TSGA10: variants seen among roughly 807,000 people sequenced by gnomAD.
TSGA10 encodes testis-specific gene 10 protein.
A neutral mutation model predicts 96.6 loss-of-function variants in TSGA10; 43 were observed. The observed-to-expected ratio is 0.44, with a 90% CI of 0.35 to 0.57. The LOEUF (loss-of-function observed/expected upper bound fraction) is 0.57. Ranked by LOEUF, TSGA10 falls within the 20% of genes least tolerant of loss-of-function variation. The pLI, the probability that TSGA10 is intolerant of heterozygous loss-of-function variation, is 0.01. For synonymous variants in TSGA10, 229 were observed against 269.9 expected (o/e 0.85, Z 1.48); for missense variants, 703 against 834.4 (o/e 0.84, Z 1.94).
chr2:99,020,402 C>T lies in TSGA10; in HGVS notation c.1695G>A (p.Gln565=). 6.2e-7 allele frequency: 1 copy of T among 1,613,908 alleles called. No homozygotes were observed. Among genetic ancestry groups the T allele is most frequent in the Non-Finnish European group, 8.5e-7 (1 of 1,179,872 alleles). The change falls in exon 18 of 21, where the codon CAG becomes CAA. Residue 565 remains glutamine (Q), a synonymous_variant. Coordinates refer to ENST00000393483, the MANE Select transcript of TSGA10 (RefSeq NM_025244.4). Reference sequence around the variant, plus strand: ...TGGCCACCAGCAAAGCTTCTAGATTCTGCATGGAGATTCTCTCATTTGCCA... The same window carrying T: ...TGGCCACCAGCAAAGCTTCTAGATTTTGCATGGAGATTCTCTCATTTGCCA... ...SQMANERISM[Q]NLEALLVANR... is the part of the protein sequence containing the mutation.
intron 20 of TSGA10, among the ~76,000 whole-genome samples, chr2:99,016,617 A>G (rs1369576314): frequency 6.6e-6 from 1 of 152,202 alleles, no homozygotes; most frequent in Admixed American, 6.5e-5. Flanking sequence ...CCAAAAGCAA[A>G]TGAAACAAAA....
At chr2:99,114,943 TA>T (rs974506070) in intron 4 of TSGA10, among the ~76,000 whole-genome samples, 7 of 152,098 alleles carry the variant, frequency 4.6e-5, no homozygotes, top group East Asian at 1.9e-4. Flanking sequence ...GATATATATA[TA>T]TTTTTTTGAG....
chr2:99,014,158 A>C (rs980448767), intron 20 of TSGA10, among the ~76,000 whole-genome samples: 8 of 152,030 alleles, frequency 5.3e-5, no homozygotes, highest in African/African-American at 1.4e-4. Flanking sequence ...CTGTCTCAAA[A>C]AAATAAATAA....
chr2:99,109,311 C>T lies in TSGA10; in HGVS notation c.51+78G>A. 3 of 1,472,762 alleles carry T rather than the reference C, an allele frequency of 2.0e-6. No homozygotes were observed. The South Asian group carries it at 3.4e-5, about 17-fold the overall frequency. 91.2% of individuals were successfully genotyped at this position (1,472,762 alleles called of 1,614,324 possible). ...ACAGCAAATCAAAACAAATTATTTT[C>T]AAATTAGGTAAAACAAAGAATAAAA... On this transcript the variant is annotated intron_variant, in intron 6 of 20. Transcript: ENST00000393483.
intron 12 of TSGA10, among the ~76,000 whole-genome samples, chr2:99,075,323 A>G (rs965206881): frequency 2.0e-5 from 3 of 152,196 alleles, no homozygotes; most frequent in East Asian, 3.8e-4. Flanking sequence ...AACTGTCAAA[A>G]TTCAGTCTGG....
intron 1 of TSGA10, among the ~76,000 whole-genome samples, chr2:99,144,542 G>A (rs959447339): frequency 1.1e-4 from 16 of 151,100 alleles, no homozygotes; most frequent in Non-Finnish European, 1.8e-4. Context: ...CCAGCTACTC[G>A]GGAGGCTGAG....
chr2:99,118,570 A>T lies in TSGA10; in HGVS notation c.-375T>A. The T allele has an allele frequency of 1.0e-6, 1 of 983,994 alleles. No homozygotes were observed. The highest frequency in any genetic ancestry group is 1.2e-6 in the Non-Finnish European group (1 of 828,844). 61.0% of individuals were successfully genotyped at this position (983,994 alleles called of 1,614,324 possible). On this transcript the variant is annotated 5_prime_UTR_variant, in exon 3 of 21. The change creates a new upstream start codon in the 5' untranslated region. Coordinates refer to ENST00000393483, the MANE Select transcript of TSGA10 (RefSeq NM_025244.4). ...ACTTACTTGACTAAGCTAAATATCA[A>T]ATCAATCAAGTATTTGCTGCCTAAT...
intron 16 of TSGA10, among the ~76,000 whole-genome samples, chr2:99,054,361 A>T (rs1489958298): frequency 1.3e-5 from 2 of 152,182 alleles, no homozygotes; most frequent in African/African-American, 4.8e-5. Flanking sequence ...TACAAAAATC[A>T]ACTCTTAATG....
chr2:99,058,264 A>G (rs1394694236), intron 16 of TSGA10, among the ~76,000 whole-genome samples: 1 of 152,210 alleles, frequency 6.6e-6, no homozygotes, highest in Non-Finnish European at 1.5e-5. Context: ...TAAGTGGATA[A>G]ACTATATGGC....
chr2:99,153,187 G>A (rs2093710259), intron 1 of TSGA10, among the ~76,000 whole-genome samples: 1 of 152,178 alleles, frequency 6.6e-6, no homozygotes, highest in African/African-American at 2.4e-5. Flanking sequence ...ACACTTAGAT[G>A]AATACTGAAA....
chr2:99,074,395 G>A (rs183009740), intron 12 of TSGA10, among the ~76,000 whole-genome samples: 435 of 131,870 alleles, frequency 3.3e-3, no homozygotes, highest in African/African-American at 0.011. Context: ...CTTTATTCAT[G>A]TGCTCTTCTC....
chr2:99,040,655 A>C (rs2082100156), intron 16 of TSGA10, among the ~76,000 whole-genome samples: 1 of 152,172 alleles, frequency 6.6e-6, no homozygotes, highest in Non-Finnish European at 1.5e-5. Context: ...ATGCTCATGG[A>C]TGGGTAGAAT....
Position 99,105,344 on chromosome 2 carries a change from T to TG in TSGA10, c.459+14_459+15insC. 1 of 1,305,590 alleles carries TG rather than the reference T, an allele frequency of 7.7e-7. No individual in the cohort carries two copies. Among genetic ancestry groups the TG allele is most frequent in the East Asian group, 3.0e-5 (1 of 33,434 alleles). The allele number at this position is 1,305,590 out of a possible 1,614,324, so 80.9% of individuals were successfully genotyped here. On this transcript the variant is annotated intron_variant, in intron 9 of 20. Transcript: ENST00000393483. ...TTTATAGCCAAAAGAGACTTTTCTT[T>TG]TTTTTTTTTTTTACATTATGAACTG...
chr2:99,030,994 C>A (rs13002667), intron 17 of TSGA10, among the ~76,000 whole-genome samples: 1 of 151,040 alleles, frequency 6.6e-6, no homozygotes, highest in Non-Finnish European at 1.5e-5. Flanking sequence ...AAAGATTATT[C>A]TAAAATTTAT....
intron 16 of TSGA10, among the ~76,000 whole-genome samples, chr2:99,052,001 G>A (rs1259290358): frequency 6.6e-6 from 1 of 151,830 alleles, no homozygotes. Context: ...GAAAATTGAT[G>A]CAGGTAAGTA....
chr2:99,140,499 A>C (rs779839325), intron 1 of TSGA10, among the ~76,000 whole-genome samples: 7 of 152,154 alleles, frequency 4.6e-5, no homozygotes, highest in Non-Finnish European at 7.3e-5. Context: ...AAAAGTGAAA[A>C]AAAACCATAT....
chr2:99,109,064 G>A, intron 6 of TSGA10, 73 bp from the exon 7 acceptor site: 1 of 1,105,382 alleles, frequency 9.0e-7, no homozygotes. Context: ...TGATGGTAGT[G>A]CCCAATTTCT....
chr2:99,109,935 C>A (rs368492740), intron 5 of TSGA10, among the ~76,000 whole-genome samples: 1 of 152,060 alleles, frequency 6.6e-6, no homozygotes, highest in East Asian at 1.9e-4. Context: ...GAGGCCGAGG[C>A]GGGCAGATCA....
chr2:99,021,769 G>T (rs1291520662), intron 17 of TSGA10, among the ~76,000 whole-genome samples: 1 of 152,096 alleles, frequency 6.6e-6, no homozygotes, highest in African/African-American at 2.4e-5. Context: ...CAGCTGAACT[G>T]GAAAAACTCT....
Sources: allele counts gnomAD v4.1 joint callset (sites outside exome capture counted in the v4.1 genomes callset), GRCh38; gene constraint gnomAD v4.1.1; transcripts MANE v1.5; gene names NCBI Gene and HGNC (gene_info 2026-07-23, HGNC 2026-07-21).